LRRTM4: variants seen among roughly 807,000 people sequenced by gnomAD.
The protein encoded by LRRTM4 is leucine-rich repeat transmembrane neuronal protein 4.
LRRTM4 carries 25 observed loss-of-function variants against 47.6 expected under a neutral mutation model. The observed-to-expected ratio is 0.53, with a 90% CI of 0.38 to 0.73. LRRTM4 has a LOEUF of 0.73. LRRTM4 is among the 30% of genes least tolerant of loss of function. The probability of loss-of-function intolerance (pLI) is 0.00; values close to 1 mark genes in which losing one functional copy is unlikely to be tolerated. For synonymous variants in LRRTM4, 311 were observed against 269.5 expected (o/e 1.15, Z -1.51); for missense variants, 638 against 713.4 (o/e 0.89, Z 1.20).
intron 3 of LRRTM4, among the ~76,000 whole-genome samples, chr2:77,472,357 G>T (rs1282575849): frequency 6.6e-6 from 1 of 152,140 alleles, no homozygotes; most frequent in Non-Finnish European, 1.5e-5. Flanking sequence ...CACATGGAAA[G>T]AAATTACATA....
intron 3 of LRRTM4, among the ~76,000 whole-genome samples, chr2:77,463,973 A>T (rs181113800): frequency 7.9e-5 from 12 of 152,288 alleles, no homozygotes; most frequent in African/African-American, 2.2e-4. Context: ...GATGAATACA[A>T]AGTTATACAA....
intron 3 of LRRTM4, among the ~76,000 whole-genome samples, chr2:76,909,190 C>A (rs1673959591): frequency 1.3e-5 from 2 of 152,156 alleles, no homozygotes; most frequent in Non-Finnish European, 2.9e-5. Context: ...AATAATGCTG[C>A]TTATCTACAA....
chr2:77,305,046 T>A (rs1558679099), intron 3 of LRRTM4, among the ~76,000 whole-genome samples: 1 of 152,082 alleles, frequency 6.6e-6, no homozygotes, highest in East Asian at 1.9e-4. Context: ...CATGTATATG[T>A]ATGAGAAAAA....
chr2:77,454,477 A>G (rs1482895979), intron 3 of LRRTM4, among the ~76,000 whole-genome samples: 1 of 152,182 alleles, frequency 6.6e-6, no homozygotes, highest in Non-Finnish European at 1.5e-5. Flanking sequence ...AGTTTATTTC[A>G]TATTTAATTG....
rs541182410 is a variant in LRRTM4, at chr2:77,291,947, C to T, written c.1551+226371G>A. 1.3e-4 allele frequency among the ~76,000 whole-genome samples: 19 copies of T among 151,972 alleles called. No homozygotes were observed. The East Asian group carries it at 2.5e-3, about 20-fold the overall frequency. On this transcript the variant is annotated intron_variant, in intron 3 of 3. Transcript: ENST00000409884. ...GAGAAAATTTTCGCAATCTACTCAT[C>T]TGACAAAGGGCTAATATCCAGAATC... is the stretch of plus-strand genomic sequence containing the variant.
At chr2:77,092,081 AACTC>A (rs1411196276) in intron 3 of LRRTM4, among the ~76,000 whole-genome samples, 1 of 152,084 alleles carries the variant, frequency 6.6e-6, no homozygotes, top group Non-Finnish European at 1.5e-5. Flanking sequence ...AACTGTGCTC[AACTC>A]ACTCTCTACA....
intron 3 of LRRTM4, among the ~76,000 whole-genome samples, chr2:77,515,959 C>T (rs1234207525): frequency 6.6e-6 from 1 of 151,654 alleles, no homozygotes; most frequent in African/African-American, 2.4e-5. Flanking sequence ...ATGGGGTGAC[C>T]CCTGCAATGT....
chr2:77,237,884 A>T (rs541828483), intron 3 of LRRTM4, among the ~76,000 whole-genome samples: 7 of 152,158 alleles, frequency 4.6e-5, no homozygotes, highest in Non-Finnish European at 1.0e-4. Context: ...GCAAAATAAA[A>T]TAACAACCCT....
At chr2:77,317,605 C>T (rs1179759996) in intron 3 of LRRTM4, among the ~76,000 whole-genome samples, 1 of 152,134 alleles carries the variant, frequency 6.6e-6, no homozygotes, top group African/African-American at 2.4e-5. Context: ...ATGAAGATGT[C>T]AGTGTTATAC....
intron 3 of LRRTM4, among the ~76,000 whole-genome samples, chr2:77,343,680 T>A (rs1177480286): frequency 6.6e-6 from 1 of 151,954 alleles, no homozygotes; most frequent in East Asian, 1.9e-4. Flanking sequence ...AAGTACTTGT[T>A]TATGAAGCAC....
intron 3 of LRRTM4, among the ~76,000 whole-genome samples, chr2:77,146,525 A>G (rs1406599146): frequency 1.3e-5 from 2 of 152,190 alleles, no homozygotes; most frequent in African/African-American, 4.8e-5. Context: ...GCTTCAACTG[A>G]GTCTTTGAAA....
intron 3 of LRRTM4, among the ~76,000 whole-genome samples, chr2:77,209,966 C>T (rs1196413712): frequency 1.3e-5 from 2 of 152,098 alleles, no homozygotes; most frequent in Non-Finnish European, 2.9e-5. Context: ...TATTTCTGTT[C>T]CCAACACAGA....
At chr2:76,895,732 T>C (rs991027122) in intron 3 of LRRTM4, among the ~76,000 whole-genome samples, 3 of 152,034 alleles carry the variant, frequency 2.0e-5, no homozygotes, top group Admixed American at 6.6e-5. Context: ...ATAAACATAC[T>C]GTGAAAAATA....
chr2:77,222,603 C>G (rs1674670793), intron 3 of LRRTM4, among the ~76,000 whole-genome samples: 1 of 152,144 alleles, frequency 6.6e-6, no homozygotes, highest in Non-Finnish European at 1.5e-5. Flanking sequence ...AGTAGAAAAT[C>G]TAGAAGAAAT....
chr2:77,392,372 T>A (rs911753118), intron 3 of LRRTM4, among the ~76,000 whole-genome samples: 1 of 151,716 alleles, frequency 6.6e-6, no homozygotes, highest in African/African-American at 2.4e-5. Context: ...GTTCTCAGGA[T>A]CTCCTAAAGC....
chr2:77,267,972 TA>T (rs1297673076), intron 3 of LRRTM4, among the ~76,000 whole-genome samples: 1 of 152,160 alleles, frequency 6.6e-6, no homozygotes, highest in Admixed American at 6.6e-5. Context: ...CATCTCTGGC[TA>T]TTGACTGTCA....
intron 3 of LRRTM4, among the ~76,000 whole-genome samples, chr2:76,874,605 T>G (rs1672727014): frequency 6.6e-6 from 1 of 151,410 alleles, no homozygotes; most frequent in African/African-American, 2.4e-5. Context: ...ACTGTTTATT[T>G]AGAAAGTTTT....
intron 3 of LRRTM4, among the ~76,000 whole-genome samples, chr2:77,403,124 TA>T (rs375601245): frequency 0.029 from 4,382 of 152,034 alleles, 216 homozygotes; most frequent in African/African-American, 0.099. Context: ...GAAAACCTCC[TA>T]AAAAAATGTC....
intron 3 of LRRTM4, among the ~76,000 whole-genome samples, chr2:76,955,897 T>A (rs1675660146): frequency 6.6e-6 from 1 of 151,708 alleles, no homozygotes; most frequent in Non-Finnish European, 1.5e-5. Context: ...TAAATTGTGA[T>A]AGCAGCCCAA....
Sources: gnomAD v4.1 joint callset for allele counts (sites outside exome capture counted in the v4.1 genomes callset) on GRCh38, gnomAD v4.1.1 for gene constraint, MANE v1.5 for transcripts, NCBI Gene and HGNC (gene_info 2026-07-23, HGNC 2026-07-21) for gene names.